The following ZHX3 variants were observed in gnomAD, a reference collection of about 807,000 sequenced individuals.
ZHX3 encodes the protein zinc fingers and homeoboxes 3.
In ZHX3, 20 loss-of-function variants were observed where a neutral mutation model predicts 64.5. The ratio of observed to expected loss-of-function variants is 0.31; its 90% CI spans 0.22 to 0.45. The LOEUF (loss-of-function observed/expected upper bound fraction) is 0.45. Ranked by LOEUF, ZHX3 falls within the 20% of genes least tolerant of loss-of-function variation. The probability of loss-of-function intolerance (pLI) is 1.00; values close to 1 mark genes in which losing one functional copy is unlikely to be tolerated. For missense variants in ZHX3, 1,041 were observed against 1,195.8 expected, an observed-to-expected ratio of 0.87 and a Z score of 1.91; for synonymous variants, 423 against 461.6, an observed-to-expected ratio of 0.92 and a Z score of 1.07.
intron 3 of ZHX3, among the ~76,000 whole-genome samples, chr20:41,190,002 AGT>A (rs1429421546): frequency 1.3e-5 from 2 of 151,146 alleles, no homozygotes; most frequent in Non-Finnish European, 2.9e-5. Context: ...CAGTTTTCTG[AGT>A]GTTTTTTTTT....
chr20:41,210,230 C>G (rs2039052463), intron 2 of ZHX3, among the ~76,000 whole-genome samples: 3 of 152,204 alleles, frequency 2.0e-5, no homozygotes, highest in African/African-American at 7.2e-5. Flanking sequence ...GAAATAGGAA[C>G]ACTTTTACAC....
At chr20:41,291,656 G>A (rs141057741) in intron 1 of ZHX3, among the ~76,000 whole-genome samples, 3 of 151,698 alleles carry the variant, frequency 2.0e-5, no homozygotes, top group East Asian at 1.9e-4. Context: ...TATGACACAC[G>A]TGTTTGTGTA....
intron 3 of ZHX3, among the ~76,000 whole-genome samples, chr20:41,190,269 G>T (rs2036902010): frequency 6.6e-6 from 1 of 152,188 alleles, no homozygotes; most frequent in Non-Finnish European, 1.5e-5. Context: ...CTGCTTCCTG[G>T]GTTCAAGCAA....
At chr20:41,250,387 A>T (rs922187907) in intron 2 of ZHX3, among the ~76,000 whole-genome samples, 2 of 152,340 alleles carry the variant, frequency 1.3e-5, no homozygotes, top group Admixed American at 6.5e-5. Flanking sequence ...AGTAGATTTT[A>T]AAAAATCACC....
chr20:41,242,399 A>AAACATCC (rs1361865562), intron 2 of ZHX3, among the ~76,000 whole-genome samples: 5 of 152,218 alleles, frequency 3.3e-5, no homozygotes, highest in Non-Finnish European at 5.9e-5. Context: ...AAGAAAACAC[A>AAACATCC]AACATCCATT....
chr20:41,256,853 G>A (rs1180328543), intron 2 of ZHX3, among the ~76,000 whole-genome samples: 2 of 151,738 alleles, frequency 1.3e-5, no homozygotes, highest in Non-Finnish European at 2.9e-5. Flanking sequence ...TTTAGGTAGT[G>A]GTGAATCTGG....
chr20:41,280,086 G>A (rs1265899822), intron 1 of ZHX3, among the ~76,000 whole-genome samples: 1 of 152,148 alleles, frequency 6.6e-6, no homozygotes, highest in South Asian at 2.1e-4. Context: ...CACCACAAAT[G>A]ACAATGCACA....
At chr20:41,244,320 G>C (rs775272525) in intron 2 of ZHX3, among the ~76,000 whole-genome samples, 2 of 152,148 alleles carry the variant, frequency 1.3e-5, no homozygotes, top group Non-Finnish European at 2.9e-5. Flanking sequence ...AAGAGGGACA[G>C]ATGTGTGACT....
At chr20:41,221,209 T>C (rs1455994044) in intron 2 of ZHX3, among the ~76,000 whole-genome samples, 2 of 152,184 alleles carry the variant, frequency 1.3e-5, no homozygotes, top group Non-Finnish European at 2.9e-5. Context: ...TCTCCAGATG[T>C]AGTCTGAGCG....
intron 2 of ZHX3, among the ~76,000 whole-genome samples, chr20:41,261,634 C>T (rs1266066508): frequency 6.6e-6 from 1 of 152,234 alleles, no homozygotes; most frequent in Non-Finnish European, 1.5e-5. Flanking sequence ...GCTCTAGCCA[C>T]CCCATGCTGG....
intron 2 of ZHX3, among the ~76,000 whole-genome samples, chr20:41,244,896 C>T (rs755261524): frequency 1.3e-5 from 2 of 151,942 alleles, no homozygotes; most frequent in Non-Finnish European, 2.9e-5. Context: ...GGGTTTTGGC[C>T]CAGGAAAAGC....
At position 41,205,048 on chromosome 20, in the gene ZHX3, C is replaced by T. The variant is rs1600767954; in HGVS notation, c.-132G>A. The T allele has an allele frequency of 8.2e-6, 11 of 1,348,204 alleles. No homozygotes were observed. In the South Asian group the frequency reaches 2.4e-4, roughly 29 times the overall value. 83.5% of individuals were successfully genotyped at this position (1,348,204 alleles called of 1,614,324 possible). A position where few individuals can be genotyped will look rare whatever the true frequency, so the allele number is the denominator to read the frequency against. The stretch of plus-strand genomic sequence containing the variant: ...AGCTTTTTCAGTTGTTTGCAGAAAG[C>T]AGGTTTTCCCTATTCAATCTAAGGA... On this transcript the variant is annotated 5_prime_UTR_variant, in exon 3 of 4. Transcript: ENST00000683867.
Position 41,280,481 on chromosome 20 carries a change from T to C in ZHX3, c.-244-11398A>G, listed in dbSNP as rs73265505. The stretch of plus-strand genomic sequence containing the variant: ...GTATTCTCTGAAAGATCTATTAAGA[T>C]ACCATTTCAAAGATCTATGGAGATA... On this transcript the variant is annotated intron_variant, in intron 1 of 3. Coordinates refer to ENST00000683867, the MANE Select transcript of ZHX3 (RefSeq NM_001384317.1). 1.2e-3 allele frequency among the ~76,000 whole-genome samples: 190 copies of C among 152,316 alleles called. 2 individuals carry two copies. Among genetic ancestry groups the C allele is most frequent in the African/African-American group, 4.4e-3 (184 of 41,574 alleles).
intron 2 of ZHX3, among the ~76,000 whole-genome samples, chr20:41,268,742 T>C (rs1322286396): frequency 6.6e-6 from 1 of 152,238 alleles, no homozygotes; most frequent in East Asian, 1.9e-4. Context: ...AACAGATTCC[T>C]ATCAGATGAT....
chr20:41,317,355 G>A (rs1038108505), intron 1 of ZHX3, among the ~76,000 whole-genome samples, 154 bp downstream of exon 1: 1 of 152,152 alleles, frequency 6.6e-6, no homozygotes, highest in Non-Finnish European at 1.5e-5. Context: ...GCCGGCGGGA[G>A]GGGGCTGACT....
At chr20:41,303,785 T>G (rs1053439030) in intron 1 of ZHX3, among the ~76,000 whole-genome samples, 1 of 152,204 alleles carries the variant, frequency 6.6e-6, no homozygotes. Flanking sequence ...CCTCTGAACA[T>G]GCTAGAGCCC....
rs747097288 is a variant in ZHX3 at position 41,203,031 on chromosome 20, C to T, written c.1886G>A (p.Ser629Asn). ...RAPEQLRALE[S>N]SFAQNPLPLD... ...AGGAAGAGGGTTTTGTGCAAAACTG[C>T]TCTCCAGGGCTCTGAGCTGCTCAGG... The change falls in exon 3 of 4, where the codon AGC becomes AAC. Residue 629 changes from serine (S) to asparagine (N), a missense_variant. By Grantham distance (46) the Ser-to-Asn change is conservative (BLOSUM62 1). Transcript: ENST00000683867. The surrounding 1 kb of genome is among the most constrained non-coding windows in gnomAD (Gnocchi z 7.1). The T allele has an allele frequency of 3.7e-6, 6 of 1,614,014 alleles. No homozygotes were observed. The South Asian group carries it at 6.6e-5, about 18-fold the overall frequency.
rs538635505 is a variant in ZHX3 at position 41,266,894 on chromosome 20, C to T, written c.-151+2096G>A. Among the ~76,000 whole-genome samples, 67 of 128,868 alleles carry T rather than the reference C, an allele frequency of 5.2e-4. 1 individual carries two copies. The highest frequency in any genetic ancestry group is 1.8e-3 in the African/African-American group (63 of 34,834). 84.5% of individuals were successfully genotyped at this position (128,868 alleles called of 152,430 possible). ...TTAAGATGGAATCTCACTCTGTTGT[C>T]CAGACTGGAGTGCCGTCTCGGCTCA... is the stretch of plus-strand genomic sequence containing the variant. On this transcript the variant is annotated intron_variant, in intron 2 of 3. Coordinates refer to ENST00000683867, the MANE Select transcript of ZHX3 (RefSeq NM_001384317.1).
chr20:41,272,817 T>TGA (rs2043207231), intron 1 of ZHX3, among the ~76,000 whole-genome samples: 1 of 152,216 alleles, frequency 6.6e-6, no homozygotes, highest in African/African-American at 2.4e-5. Context: ...TTGGCTATTG[T>TGA]GAATAGTGTT....
Sources: gnomAD v4.1 joint callset for allele counts (sites outside exome capture counted in the v4.1 genomes callset) on GRCh38, gnomAD v4.1.1 for gene constraint, Gnocchi (gnomAD v3.1) non-coding constraint, MANE v1.5 for transcripts, NCBI Gene and HGNC (gene_info 2026-07-23, HGNC 2026-07-21) for gene names.